INTS6: variants seen among roughly 807,000 people sequenced by gnomAD.
The protein encoded by INTS6 is DEAD box protein.
In INTS6, 16 loss-of-function variants were observed where a neutral mutation model predicts 104.9. That is an observed-to-expected ratio of 0.15 (90% CI 0.10 to 0.23). The LOEUF (loss-of-function observed/expected upper bound fraction) is 0.23, where lower values mean the gene tolerates loss of function less well. INTS6 is among the 10% of genes least tolerant of loss of function. The probability of loss-of-function intolerance (pLI) is 1.00; values close to 1 mark genes in which losing one functional copy is unlikely to be tolerated. For synonymous variants in INTS6, 324 were observed against 358.7 expected, an observed-to-expected ratio of 0.90 and a Z score of 1.09; for missense variants, 584 against 1,062.8, an observed-to-expected ratio of 0.55 and a Z score of 6.26.
intron 5 of INTS6, among the ~76,000 whole-genome samples, chr13:51,391,719 C>G (rs1956248710): frequency 6.6e-6 from 1 of 152,050 alleles, no homozygotes; most frequent in Admixed American, 6.6e-5. Context: ...AGTCTAAAGG[C>G]AGTATTAGCA....
intron 4 of INTS6, chr13:51,423,122 G>A (rs1415553412): frequency 1.3e-5 from 14 of 1,110,560 alleles, no homozygotes; most frequent in Non-Finnish European, 1.7e-5. Context: ...AAATATAAAC[G>A]TATGGAGCTG....
downstream of INTS6, among the ~76,000 whole-genome samples, chr13:51,353,133 A>C (rs1263562390): frequency 2.0e-5 from 3 of 152,078 alleles, no homozygotes; most frequent in Non-Finnish European, 4.4e-5. Context: ...TTTCTGCTGG[A>C]TCTGCCTTCA....
chr13:51,406,900 T>C (rs992691755), intron 4 of INTS6, among the ~76,000 whole-genome samples: 1 of 117,500 alleles, frequency 8.5e-6, no homozygotes, highest in Non-Finnish European at 1.7e-5. Context: ...TTTTTTGTGA[T>C]TTTTTTTTTT....
chr13:51,404,003 G>C (rs566811547), intron 4 of INTS6, among the ~76,000 whole-genome samples: 1 of 151,232 alleles, frequency 6.6e-6, no homozygotes, highest in Non-Finnish European at 1.5e-5. Context: ...AGGCAGGATT[G>C]CATGAGGCCA....
At chr13:51,451,284 C>A in intron 2 of INTS6, 110 bp from the exon 3 acceptor site, 1 of 891,794 alleles carries the variant, frequency 1.1e-6, no homozygotes, top group Non-Finnish European at 1.6e-6. Context: ...GTTGGTTTGG[C>A]TTGGTTAACG....
At chr13:51,391,362 A>G (rs1289223113) in intron 5 of INTS6, among the ~76,000 whole-genome samples, 2 of 152,200 alleles carry the variant, frequency 1.3e-5, no homozygotes, top group African/African-American at 4.8e-5. Flanking sequence ...TCTTAACACG[A>G]AATAAAATTA....
downstream of INTS6, among the ~76,000 whole-genome samples, chr13:51,349,917 G>GT (rs1020687375): frequency 5.9e-5 from 9 of 151,960 alleles, no homozygotes; most frequent in South Asian, 4.1e-4. Context: ...AACTAACCAA[G>GT]TTTTTTTTGT....
At chr13:51,371,541 A>G (rs1955802857) in intron 15 of INTS6, among the ~76,000 whole-genome samples, 1 of 151,934 alleles carries the variant, frequency 6.6e-6, no homozygotes, top group Admixed American at 6.6e-5. Context: ...GCCAAGCAAA[A>G]TCCCATCTCT....
downstream of INTS6, chr13:51,361,191 TG>T: frequency 1.2e-6 from 1 of 868,864 alleles, no homozygotes; most frequent in Non-Finnish European, 1.9e-6. Flanking sequence ...CTATAAATTT[TG>T]TAAGTACATT....
intron 4 of INTS6, among the ~76,000 whole-genome samples, chr13:51,424,007 A>G (rs765598911): frequency 1.3e-5 from 2 of 152,092 alleles, no homozygotes; most frequent in Non-Finnish European, 2.9e-5. Context: ...TGTGTATTCT[A>G]TAAGGCACAC....
intron 3 of INTS6, chr13:51,441,978 G>GC (rs1029025849): frequency 3.9e-5 from 6 of 151,942 alleles, no homozygotes; most frequent in African/African-American, 1.5e-4. Context: ...GCACCACCAT[G>GC]CCTGGCTAAT....
At chr13:51,378,161 C>G (rs958604914) in intron 12 of INTS6, 78 bp downstream of exon 12, 3 of 1,037,074 alleles carry the variant, frequency 2.9e-6, no homozygotes, top group Admixed American at 1.7e-5. Context: ...AACTGAATGT[C>G]AGAGTTAACA....
rs534777140 is a variant in INTS6 at position 51,364,272 on chromosome 13, C to A, written c.*1480G>T. On this transcript the variant is annotated 3_prime_UTR_variant, in exon 18 of 18. Coordinates refer to ENST00000311234, the MANE Select transcript of INTS6 (RefSeq NM_012141.3). ...TTCAGTATTGGGAGAGTTTCAAATC[C>A]CCTAGACTAAATGCATGTTCTCCAC... The A allele has an allele frequency of 1.3e-5, 19 of 1,476,398 alleles. No homozygotes were observed. Among genetic ancestry groups the A allele is most frequent in the Non-Finnish European group, 1.5e-5 (17 of 1,100,512 alleles). The allele number at this position is 1,476,398 out of a possible 1,614,324, so 91.5% of individuals were successfully genotyped here. A position where few individuals can be genotyped will look rare whatever the true frequency, so the allele number is the denominator to read the frequency against.
intron 3 of INTS6, chr13:51,449,844 A>G (rs1952997884): frequency 1.0e-6 from 1 of 985,266 alleles, no homozygotes; most frequent in Admixed American, 6.1e-5. Context: ...TAAAAGTATT[A>G]ATGTGGTAAG....
At position 51,365,980 on chromosome 13, in the gene INTS6, C is replaced by T. The variant is rs115403816; in HGVS notation, c.2571-135G>A. 2.9e-3 allele frequency: 1,464 copies of T among 510,084 alleles called. 14 individuals carry two copies. Among genetic ancestry groups the T allele is most frequent in the African/African-American group, 0.022 (1,124 of 51,410 alleles). 31.6% of individuals were successfully genotyped at this position (510,084 alleles called of 1,614,324 possible). A position where few individuals can be genotyped will look rare whatever the true frequency, so the allele number is the denominator to read the frequency against. On this transcript the variant is annotated intron_variant, in intron 17 of 17. Transcript: ENST00000311234. The stretch of plus-strand genomic sequence containing the variant: ...AATGAAAATAGAAAAATCAATACTA[C>T]GACAATATAAAATATGTTGAAAGAT...
At chr13:51,418,161 TA>T (rs1227402693) in intron 4 of INTS6, among the ~76,000 whole-genome samples, 1 of 152,226 alleles carries the variant, frequency 6.6e-6, no homozygotes, top group Non-Finnish European at 1.5e-5. Context: ...TAAAAGAAAG[TA>T]ATACAGTAAC....
intron 7 of INTS6, chr13:51,384,387 C>G (rs1956103294): frequency 1.1e-5 from 3 of 282,514 alleles, no homozygotes; most frequent in Non-Finnish European, 2.1e-5. Flanking sequence ...TAATAGTCCT[C>G]TTCCTAAAAA....
chr13:51,422,521 G>A (rs986628677), intron 4 of INTS6, among the ~76,000 whole-genome samples: 2 of 152,044 alleles, frequency 1.3e-5, no homozygotes, highest in Non-Finnish European at 2.9e-5. Context: ...CTTACCTACC[G>A]AACCTCTCAG....
intron 3 of INTS6, among the ~76,000 whole-genome samples, 186 bp from the exon 4 acceptor site, chr13:51,430,569 T>A (rs1737535698): frequency 6.6e-6 from 1 of 152,198 alleles, no homozygotes; most frequent in African/African-American, 2.4e-5. Context: ...TGATTAACCC[T>A]GAGAAAGAGG....
Sources: allele counts gnomAD v4.1 joint callset (sites outside exome capture counted in the v4.1 genomes callset), GRCh38; gene constraint gnomAD v4.1.1; transcripts MANE v1.5; gene names NCBI Gene and HGNC (gene_info 2026-07-23, HGNC 2026-07-21).